NRG3: variants seen among roughly 807,000 people sequenced by gnomAD.
NRG3 encodes pro-neuregulin-3, membrane-bound isoform.
In NRG3, 31 loss-of-function variants were observed where a neutral mutation model predicts 66.9. The observed-to-expected ratio is 0.46, with a 90% CI of 0.35 to 0.63. The LOEUF is 0.63. Among genes scored for constraint, NRG3 ranks in the 20% least tolerant of loss-of-function variants. The probability of loss-of-function intolerance (pLI) is 0.00; values close to 1 mark genes in which losing one functional copy is unlikely to be tolerated. For synonymous variants in NRG3, 393 were observed against 359.4 expected (o/e 1.09, Z -1.06); for missense variants, 910 against 878.9 (o/e 1.04, Z -0.45).
intron 8 of NRG3, among the ~76,000 whole-genome samples, chr10:82,984,229 G>A (rs1045444369): frequency 6.6e-6 from 1 of 152,200 alleles, no homozygotes; most frequent in Non-Finnish European, 1.5e-5. Context: ...TCATGGAACA[G>A]CACAGAGGAG....
intron 1 of NRG3, among the ~76,000 whole-genome samples, chr10:82,333,994 G>A (rs947382443): frequency 2.9e-4 from 44 of 152,098 alleles, no homozygotes; most frequent in Non-Finnish European, 5.9e-4. Context: ...TGGAGACCAC[G>A]GTGAAACCCC....
chr10:82,156,023 T>C (rs1041359780), intron 1 of NRG3, among the ~76,000 whole-genome samples: 1 of 151,660 alleles, frequency 6.6e-6, no homozygotes, highest in South Asian at 2.1e-4. Flanking sequence ...GGAACTGATA[T>C]AGCTCAGTGT....
At chr10:82,713,490 C>T (rs2134418902) in intron 2 of NRG3, among the ~76,000 whole-genome samples, 1 of 152,216 alleles carries the variant, frequency 6.6e-6, no homozygotes, top group Middle Eastern at 3.4e-3. Flanking sequence ...GTCATGGATG[C>T]TTTTGGCCTG....
intron 1 of NRG3, among the ~76,000 whole-genome samples, chr10:82,329,335 A>T (rs1317809283): frequency 6.6e-6 from 1 of 151,430 alleles, no homozygotes; most frequent in Non-Finnish European, 1.5e-5. Context: ...TAATAGTTAC[A>T]TTGCAAGTTT....
chr10:82,830,803 G>T (rs1591653886), intron 3 of NRG3, among the ~76,000 whole-genome samples: 1 of 152,228 alleles, frequency 6.6e-6, no homozygotes, highest in East Asian at 1.9e-4. Context: ...GTTATGCTAA[G>T]GTTGAGTTCC....
At chr10:82,153,815 G>C (rs554726831) in intron 1 of NRG3, among the ~76,000 whole-genome samples, 1 of 152,006 alleles carries the variant, frequency 6.6e-6, no homozygotes, top group Non-Finnish European at 1.5e-5. Context: ...GACAATTAGA[G>C]ATGGTGAACT....
intron 2 of NRG3, among the ~76,000 whole-genome samples, chr10:82,680,673 T>G (rs2054047007): frequency 6.6e-6 from 1 of 152,206 alleles, no homozygotes; most frequent in South Asian, 2.1e-4. Flanking sequence ...CCGACAGGGT[T>G]GACGTTTGCT....
chr10:82,174,732 C>A (rs1273989495), intron 1 of NRG3, among the ~76,000 whole-genome samples: 1 of 152,054 alleles, frequency 6.6e-6, no homozygotes, highest in Non-Finnish European at 1.5e-5. Context: ...CATTTTCCAA[C>A]CCCTGGCTCA....
intron 1 of NRG3, among the ~76,000 whole-genome samples, chr10:82,339,360 G>A (rs1170897765): frequency 6.6e-6 from 1 of 152,180 alleles, no homozygotes; most frequent in East Asian, 1.9e-4. Flanking sequence ...TAGCTGGGGA[G>A]TCCTCAGGAA....
intron 3 of NRG3, among the ~76,000 whole-genome samples, chr10:82,795,810 A>G (rs1399133711): frequency 2.0e-5 from 3 of 152,142 alleles, no homozygotes; most frequent in South Asian, 2.1e-4. Context: ...TTGGGGATCT[A>G]TCTGCTTTCT....
chr10:82,838,956 G>A (rs1030663652), intron 3 of NRG3, among the ~76,000 whole-genome samples: 1 of 152,086 alleles, frequency 6.6e-6, no homozygotes, highest in Non-Finnish European at 1.5e-5. Context: ...AAAACCAAGC[G>A]AAAAGGGTTT....
chr10:82,411,258 A>G (rs1418548874), intron 2 of NRG3, among the ~76,000 whole-genome samples: 1 of 152,138 alleles, frequency 6.6e-6, no homozygotes, highest in African/African-American at 2.4e-5. Context: ...TAAGGAGGAA[A>G]GGAAGGAAGA....
intron 1 of NRG3, among the ~76,000 whole-genome samples, chr10:82,050,337 C>G (rs1052254951): frequency 4.6e-5 from 7 of 151,892 alleles, no homozygotes; most frequent in Non-Finnish European, 1.0e-4. Context: ...CTTTTGCACC[C>G]AAGTAATATT....
intron 1 of NRG3, among the ~76,000 whole-genome samples, chr10:81,935,030 A>G (rs973877985): frequency 5.9e-5 from 9 of 152,226 alleles, no homozygotes; most frequent in African/African-American, 1.7e-4. Context: ...CATTTAAGCC[A>G]TGGCTGTTTA....
chr10:81,995,044 A>G (rs1234636457), intron 1 of NRG3, among the ~76,000 whole-genome samples: 3 of 151,970 alleles, frequency 2.0e-5, no homozygotes, highest in Non-Finnish European at 4.4e-5. Flanking sequence ...CGTATCTCCC[A>G]CTCACAACAT....
intron 3 of NRG3, among the ~76,000 whole-genome samples, chr10:82,796,653 T>C (rs1177181679): frequency 6.6e-6 from 1 of 152,142 alleles, no homozygotes; most frequent in Non-Finnish European, 1.5e-5. Flanking sequence ...TTTAAAATTA[T>C]TTTCTCATTT....
intron 1 of NRG3, among the ~76,000 whole-genome samples, chr10:81,939,488 C>G (rs1848209344): frequency 1.3e-5 from 2 of 151,704 alleles, no homozygotes; most frequent in South Asian, 4.1e-4. Context: ...TTTTCATGTT[C>G]AGTCTTGGTA....
At chr10:82,783,972 AG>A (rs2060231107) in intron 3 of NRG3, among the ~76,000 whole-genome samples, 2 of 151,964 alleles carry the variant, frequency 1.3e-5, no homozygotes, top group South Asian at 4.1e-4. Context: ...ACAAGGCTAC[AG>A]TAACCAAAAC....
At chr10:81,879,818 A>G (rs1487401274) in intron 1 of NRG3, among the ~76,000 whole-genome samples, 2 of 152,202 alleles carry the variant, frequency 1.3e-5, no homozygotes, top group Non-Finnish European at 2.9e-5. Flanking sequence ...TTCATTCCTT[A>G]AATAAGGGTA....
Sources: gnomAD v4.1 joint callset for allele counts (sites outside exome capture counted in the v4.1 genomes callset) on GRCh38, gnomAD v4.1.1 for gene constraint, MANE v1.5 for transcripts, NCBI Gene and HGNC (gene_info 2026-07-23, HGNC 2026-07-21) for gene names.